Variants in PTPRN2 observed in about 807,000 individuals in gnomAD.
PTPRN2 encodes protein tyrosine phosphatase receptor type N2, also known as receptor-type tyrosine-protein phosphatase N2.
PTPRN2 carries 74 observed loss-of-function variants against 118.8 expected under a neutral mutation model. The ratio of observed to expected loss-of-function variants is 0.62; its 90% CI spans 0.52 to 0.76. PTPRN2 has a LOEUF of 0.76. PTPRN2 is among the 30% of genes least tolerant of loss of function. PTPRN2 has a pLI of 0.00. For missense variants in PTPRN2, 1,481 were observed against 1,394.4 expected (o/e 1.06, Z -0.99); for synonymous variants, 641 against 608.0 (o/e 1.05, Z -0.80).
chr7:158,305,305 A>G (rs1801198635), intron 3 of PTPRN2, among the ~76,000 whole-genome samples: 2 of 152,190 alleles, frequency 1.3e-5, no homozygotes, highest in South Asian at 4.1e-4. Context: ...TCCAACGGAT[A>G]TTTTTAACAA....
intron 14 of PTPRN2, among the ~76,000 whole-genome samples, chr7:157,649,034 G>A (rs1435043855): frequency 2.9e-5 from 4 of 139,672 alleles, no homozygotes; most frequent in Non-Finnish European, 4.6e-5. Context: ...CACTGAACTC[G>A]GTGGGTTGGA....
At chr7:157,542,666 C>T (rs1280652857) in intron 22 of PTPRN2, among the ~76,000 whole-genome samples, 8 of 152,178 alleles carry the variant, frequency 5.3e-5, no homozygotes, top group African/African-American at 1.2e-4. Context: ...GCACAGTCAC[C>T]GGACAGAGCA....
chr7:158,304,813 A>G (rs1801164357), intron 3 of PTPRN2, among the ~76,000 whole-genome samples: 1 of 152,200 alleles, frequency 6.6e-6, no homozygotes, highest in Admixed American at 6.5e-5. Flanking sequence ...TAGATGGTCA[A>G]TGTTTATCAG....
chr7:158,479,220 T>C (rs1820484199), intron 2 of PTPRN2, among the ~76,000 whole-genome samples: 1 of 151,954 alleles, frequency 6.6e-6, no homozygotes, highest in Non-Finnish European at 1.5e-5. Flanking sequence ...TGTTACTCAA[T>C]GTGAGTGGGG....
At chr7:158,522,313 C>T (rs866390411) in intron 1 of PTPRN2, among the ~76,000 whole-genome samples, 14 of 92,994 alleles carry the variant, frequency 1.5e-4, no homozygotes, top group Non-Finnish European at 2.5e-4. Flanking sequence ...GTGGACTGTC[C>T]GGGTAGTGGC....
At chr7:158,376,374 A>G (rs1403010043) in intron 2 of PTPRN2, among the ~76,000 whole-genome samples, 2 of 144,938 alleles carry the variant, frequency 1.4e-5, no homozygotes, top group Non-Finnish European at 3.0e-5. Context: ...CAGTCCTGTC[A>G]CACGTCCTGC....
intron 12 of PTPRN2, among the ~76,000 whole-genome samples, chr7:157,688,409 G>C (rs887549727): frequency 5.9e-5 from 9 of 152,208 alleles, no homozygotes; most frequent in Non-Finnish European, 1.2e-4. Context: ...CGGTGGGAGA[G>C]AGGGACCCAG....
chr7:158,031,092 AG>A (rs1421818704), intron 11 of PTPRN2: 1 of 152,284 alleles, frequency 6.6e-6, no homozygotes, highest in Non-Finnish European at 1.5e-5. Context: ...TTGACAAACC[AG>A]GGACAAGAAT....
At chr7:158,242,350 G>A (rs953089946) in intron 3 of PTPRN2, among the ~76,000 whole-genome samples, 1 of 152,200 alleles carries the variant, frequency 6.6e-6, no homozygotes, top group Non-Finnish European at 1.5e-5. Flanking sequence ...TAAATCAAAA[G>A]CGTGTCTGCA....
Position 157,629,071 on chromosome 7 carries a change from G to A in PTPRN2, c.2197-7562C>T, listed in dbSNP as rs541432812. Among the ~76,000 whole-genome samples the A allele has an allele frequency of 6.6e-5, 10 of 152,256 alleles. No individual in the cohort carries two copies. In the East Asian group the frequency reaches 7.7e-4, roughly 12 times the overall value. ...GGACCCGCTCACACGAAACATGCTC[G>A]CCTTCCTGTTGGCACCAGGAGGAAG... On this transcript the variant is annotated intron_variant, in intron 14 of 22. Transcript: ENST00000389418. The surrounding 1 kb of genome is among the most constrained non-coding windows in gnomAD (Gnocchi z 4.4).
At chr7:157,725,770 G>A (rs1483571376) in intron 12 of PTPRN2, among the ~76,000 whole-genome samples, 1 of 101,240 alleles carries the variant, frequency 9.9e-6, no homozygotes. Flanking sequence ...ACACGCAGAG[G>A]ACTGCGGCCA....
At chr7:157,625,813 G>C (rs1803538652) in intron 14 of PTPRN2, among the ~76,000 whole-genome samples, 1 of 152,122 alleles carries the variant, frequency 6.6e-6, no homozygotes. Context: ...GAGAGAGTGT[G>C]GTGGTGGGAC....
At chr7:158,053,845 A>ATG (rs1809532414) in intron 11 of PTPRN2, among the ~76,000 whole-genome samples, 2 of 149,198 alleles carry the variant, frequency 1.3e-5, no homozygotes, top group Admixed American at 6.6e-5. Context: ...GACCCCAGAG[A>ATG]CGCAGAGACT....
At chr7:158,294,519 G>C (rs2151028500) in intron 3 of PTPRN2, among the ~76,000 whole-genome samples, 1 of 152,254 alleles carries the variant, frequency 6.6e-6, no homozygotes, top group Non-Finnish European at 1.5e-5. Context: ...ACTCATTTGG[G>C]AATAAGTCAC....
In PTPRN2 at chr7:157,698,825, G is replaced by C. The variant is rs1797933958; in HGVS notation, c.1789-15888C>G. On this transcript the variant is annotated intron_variant, in intron 12 of 22. Transcript: ENST00000389418. ...GCACGTATTTAATAGTTGATGTTCA[G>C]TATAGTATATATATTGTATTTTCAT... Among the ~76,000 whole-genome samples, 8 of 152,268 alleles carry C rather than the reference G, an allele frequency of 5.3e-5. No homozygotes were observed. The South Asian group carries it at 1.7e-3, about 32-fold the overall frequency.
chr7:158,179,987 G>A (rs932759287), intron 5 of PTPRN2, among the ~76,000 whole-genome samples: 1 of 152,244 alleles, frequency 6.6e-6, no homozygotes, highest in South Asian at 2.1e-4. Context: ...CTCTGCCTAT[G>A]GGGTAGCCTG....
chr7:158,419,671 G>A (rs1815088564), intron 2 of PTPRN2, among the ~76,000 whole-genome samples: 1 of 152,144 alleles, frequency 6.6e-6, no homozygotes, highest in African/African-American at 2.4e-5. Context: ...GGAGGACTTG[G>A]AGAAGAGAGT....
chr7:157,847,728 A>C (rs6952528), intron 12 of PTPRN2, among the ~76,000 whole-genome samples: 1 of 98,910 alleles, frequency 1.0e-5, no homozygotes, highest in Non-Finnish European at 2.0e-5. Flanking sequence ...ATGTGTGCCC[A>C]ATGTCTACAG....
rs536152341 is a variant in PTPRN2 at position 157,951,998 on chromosome 7, G to GC, written c.1724-53262dup. Among the ~76,000 whole-genome samples, 15 of 152,286 alleles carry GC rather than the reference G, an allele frequency of 9.8e-5. No homozygotes were observed. The South Asian group carries it at 2.1e-3, about 21-fold the overall frequency. ...ATGCCCCCTCACGTCTCCAGCCTGCGCCCCGCACTGCGTTCGCTGCCCATC... is the reference window on the plus strand; with the variant it reads ...ATGCCCCCTCACGTCTCCAGCCTGCGCCCCCGCACTGCGTTCGCTGCCCATC... On this transcript the variant is annotated intron_variant, in intron 11 of 22. Transcript: ENST00000389418.
Sources: allele counts gnomAD v4.1 joint callset (sites outside exome capture counted in the v4.1 genomes callset), GRCh38; gene constraint gnomAD v4.1.1; non-coding constraint Gnocchi (gnomAD v3.1); transcripts MANE v1.5; gene names NCBI Gene and HGNC (gene_info 2026-07-23, HGNC 2026-07-21).